The following IQCJ variants were observed in gnomAD, a reference collection of about 807,000 sequenced individuals.
IQCJ encodes IQ motif containing J, also known as IQ domain-containing protein J.
A neutral mutation model predicts 11.0 loss-of-function variants in IQCJ; 9 were observed. The ratio of observed to expected loss-of-function variants is 0.82; its 90% CI spans 0.49 to 1.43. The LOEUF (loss-of-function observed/expected upper bound fraction) is 1.43, where lower values mean the gene tolerates loss of function less well. IQCJ is among the 40% of genes most tolerant of loss of function. IQCJ has a pLI of 0.00. For synonymous variants in IQCJ, 55 were observed against 51.3 expected, an observed-to-expected ratio of 1.07 and a Z score of -0.31; for missense variants, 146 against 133.2, an observed-to-expected ratio of 1.10 and a Z score of -0.47.
At chr3:159,241,488 C>A (rs1326458575) in intron 1 of IQCJ, among the ~76,000 whole-genome samples, 1 of 152,098 alleles carries the variant, frequency 6.6e-6, no homozygotes, top group Non-Finnish European at 1.5e-5. Flanking sequence ...TGGTTTCAAG[C>A]TCCAGTTTGA....
downstream of IQCJ, chr3:159,265,762 A>T (rs1412103412): frequency 6.1e-6 from 1 of 163,386 alleles, no homozygotes; most frequent in Non-Finnish European, 1.3e-5. Context: ...GGAGGCCAAC[A>T]AGCCCTTACC....
At position 159,136,907 on chromosome 3, in the gene IQCJ, G is replaced by A. The variant is rs145860545; in HGVS notation, c.9+67466G>A. Reference sequence around the variant, plus strand: ...TGAGGTCTTAAGTATGGTGTAAATTGACAGCACAAATACAAAGAATGGTTC... The same window carrying A: ...TGAGGTCTTAAGTATGGTGTAAATTAACAGCACAAATACAAAGAATGGTTC... On this transcript the variant is annotated intron_variant, in intron 1 of 3. Transcript: ENST00000397832. 4.4e-3 allele frequency among the ~76,000 whole-genome samples: 663 copies of A among 152,266 alleles called. 5 individuals carry two copies. The highest frequency in any genetic ancestry group is 0.013 in the African/African-American group (545 of 41,564).
chr3:159,116,384 A>T (rs961228669), intron 1 of IQCJ, among the ~76,000 whole-genome samples: 2 of 151,890 alleles, frequency 1.3e-5, no homozygotes, highest in African/African-American at 2.4e-5. Context: ...TTTCTCCAAC[A>T]CTGTCTCTTT....
At chr3:159,160,572 T>C (rs867103268) in intron 1 of IQCJ, among the ~76,000 whole-genome samples, 12 of 152,182 alleles carry the variant, frequency 7.9e-5, no homozygotes, top group Middle Eastern at 3.4e-3. Context: ...AGGGTACATG[T>C]GCACAATGTG....
At chr3:159,104,328 T>G (rs1241276803) in intron 1 of IQCJ, among the ~76,000 whole-genome samples, 1 of 152,170 alleles carries the variant, frequency 6.6e-6, no homozygotes, top group Non-Finnish European at 1.5e-5. Flanking sequence ...TATTTTCTTC[T>G]TAGCTCCTAA....
chr3:159,166,100 C>A (rs576229109), intron 1 of IQCJ, among the ~76,000 whole-genome samples: 6 of 151,944 alleles, frequency 3.9e-5, no homozygotes, highest in African/African-American at 1.4e-4. Context: ...CTAACAGATT[C>A]ATGCAATGCA....
intron 1 of IQCJ, among the ~76,000 whole-genome samples, chr3:159,086,633 A>G (rs1043590558): frequency 2.6e-5 from 4 of 151,316 alleles, no homozygotes; most frequent in Non-Finnish European, 5.9e-5. Context: ...GGTCCTTCAC[A>G]TCCCTTGTAA....
intron 1 of IQCJ, among the ~76,000 whole-genome samples, chr3:159,221,644 T>C (rs1028025170): frequency 1.3e-5 from 2 of 152,118 alleles, no homozygotes; most frequent in African/African-American, 2.4e-5. Context: ...TCTACATTTT[T>C]CCCTCTTGGT....
chr3:159,169,330 G>A (rs368775100), intron 1 of IQCJ, among the ~76,000 whole-genome samples: 3 of 124,856 alleles, frequency 2.4e-5, no homozygotes, highest in African/African-American at 9.4e-5. Flanking sequence ...TATTGTCCAG[G>A]CTGGAGTGGA....
At chr3:159,162,172 G>A (rs1351910751) in intron 1 of IQCJ, among the ~76,000 whole-genome samples, 1 of 152,148 alleles carries the variant, frequency 6.6e-6, no homozygotes, top group Non-Finnish European at 1.5e-5. Flanking sequence ...AGCATGGAAT[G>A]TTCTTCCATT....
At chr3:159,144,893 A>T (rs757422543) in intron 1 of IQCJ, among the ~76,000 whole-genome samples, 4 of 152,308 alleles carry the variant, frequency 2.6e-5, no homozygotes, top group Middle Eastern at 3.4e-3. Flanking sequence ...ATCCTCTATT[A>T]ATTTGCTTGA....
chr3:159,094,588 A>G lies in IQCJ; in HGVS notation c.9+25147A>G, dbSNP rs1021263014. Among the ~76,000 whole-genome samples the G allele has an allele frequency of 5.9e-5, 9 of 151,692 alleles. 1 individual carries two copies. The highest frequency in any genetic ancestry group is 1.9e-4 in the African/African-American group (8 of 41,038). ...CCTTCAATGTTGTCTTTCTTTGTAC[A>G]TCTACAAAATGGAGAGAGCCAATGT... On this transcript the variant is annotated intron_variant, in intron 1 of 3. Transcript: ENST00000397832.
intron 1 of IQCJ, chr3:159,069,772 G>T: frequency 1.9e-6 from 1 of 525,662 alleles, no homozygotes. Context: ...ACAGCAAGTA[G>T]AGGAAAAATA....
chr3:159,167,349 G>A (rs1056498413), intron 1 of IQCJ, among the ~76,000 whole-genome samples: 4 of 152,072 alleles, frequency 2.6e-5, no homozygotes, highest in Non-Finnish European at 4.4e-5. Context: ...TCCAAGTCAC[G>A]GAGCTGAAAT....
intron 1 of IQCJ, among the ~76,000 whole-genome samples, chr3:159,191,194 G>A (rs1723665581): frequency 6.6e-6 from 1 of 152,172 alleles, no homozygotes; most frequent in Non-Finnish European, 1.5e-5. Flanking sequence ...TAGGTAGTGA[G>A]AAACACAGTT....
chr3:159,108,006 C>CAGA (rs1553776493), intron 1 of IQCJ, among the ~76,000 whole-genome samples: 1 of 100,944 alleles, frequency 9.9e-6, no homozygotes, highest in African/African-American at 4.0e-5. Context: ...TATGGTTTTC[C>CAGA]AAAAAAAAAA....
intron 1 of IQCJ, among the ~76,000 whole-genome samples, chr3:159,126,830 G>A (rs1056338645): frequency 1.3e-5 from 2 of 152,154 alleles, no homozygotes; most frequent in Admixed American, 1.3e-4. Flanking sequence ...GTGCTTCCAA[G>A]TTAAATGAAA....
At chr3:159,169,522 T>C (rs984269613) in intron 1 of IQCJ, among the ~76,000 whole-genome samples, 3 of 151,870 alleles carry the variant, frequency 2.0e-5, no homozygotes, top group African/African-American at 4.8e-5. Flanking sequence ...ACTACTGACC[T>C]CAGGTAATCC....
intron 1 of IQCJ, among the ~76,000 whole-genome samples, chr3:159,226,117 A>AT (rs1280618030): frequency 6.6e-6 from 1 of 152,076 alleles, no homozygotes; most frequent in Non-Finnish European, 1.5e-5. Context: ...TTCACACCCC[A>AT]TTTTTTAGGG....
Sources: allele counts gnomAD v4.1 joint callset (sites outside exome capture counted in the v4.1 genomes callset), GRCh38; gene constraint gnomAD v4.1.1; transcripts MANE v1.5; gene names NCBI Gene and HGNC (gene_info 2026-07-23, HGNC 2026-07-21).